CHCHD6: variants seen among roughly 807,000 people sequenced by gnomAD.
The protein encoded by CHCHD6 is coiled-coil-helix-coiled-coil-helix domain containing 6, also known as MICOS complex subunit MIC25.
In CHCHD6, 28 loss-of-function variants were observed where a neutral mutation model predicts 32.3. The observed-to-expected ratio is 0.87, with a 90% CI of 0.64 to 1.19. CHCHD6 has a LOEUF of 1.19. CHCHD6 is among the 50% of genes most tolerant of loss of function. The pLI, the probability that CHCHD6 is intolerant of heterozygous loss-of-function variation, is 0.00. For synonymous variants in CHCHD6, 122 were observed against 117.5 expected (o/e 1.04, Z -0.25); for missense variants, 333 against 307.0 (o/e 1.08, Z -0.63).
intron 6 of CHCHD6, among the ~76,000 whole-genome samples, chr3:126,932,091 C>T (rs940005772): frequency 6.6e-6 from 1 of 152,198 alleles, no homozygotes. Context: ...TCTAAGAGCA[C>T]GGAGGCTCCA....
intron 4 of CHCHD6, among the ~76,000 whole-genome samples, chr3:126,843,126 A>G (rs1310434983): frequency 2.0e-5 from 3 of 152,188 alleles, no homozygotes. Flanking sequence ...AGTTTTCTCT[A>G]TGAATGGATG....
At chr3:126,770,684 T>G (rs1937527689) in intron 4 of CHCHD6, among the ~76,000 whole-genome samples, 1 of 152,226 alleles carries the variant, frequency 6.6e-6, no homozygotes, top group East Asian at 1.9e-4. Context: ...GCCTACTTGA[T>G]CATGGTGGAT....
intron 4 of CHCHD6, chr3:126,766,951 T>G: frequency 9.9e-7 from 1 of 1,010,348 alleles, no homozygotes; most frequent in East Asian, 2.4e-5. Flanking sequence ...GACTCACTTC[T>G]GGGAGTCCAG....
intron 4 of CHCHD6, among the ~76,000 whole-genome samples, chr3:126,779,687 A>G (rs760899509): frequency 6.6e-6 from 1 of 152,182 alleles, no homozygotes; most frequent in Non-Finnish European, 1.5e-5. Context: ...TTGTCCCAGC[A>G]CTATTTGTTG....
intron 5 of CHCHD6, among the ~76,000 whole-genome samples, chr3:126,881,407 C>G (rs916748101): frequency 6.6e-6 from 1 of 152,222 alleles, no homozygotes; most frequent in African/African-American, 2.4e-5. Context: ...GCTGGACATG[C>G]TGAGCGCAGC....
At chr3:126,729,675 G>A (rs1362549453) in intron 2 of CHCHD6, among the ~76,000 whole-genome samples, 7 of 152,142 alleles carry the variant, frequency 4.6e-5, no homozygotes, top group Non-Finnish European at 1.0e-4. Context: ...GAAAGTGCGA[G>A]TAGTCACAGC....
intron 4 of CHCHD6, among the ~76,000 whole-genome samples, chr3:126,828,491 C>T (rs989284886): frequency 2.5e-4 from 38 of 152,242 alleles, no homozygotes; most frequent in African/African-American, 7.2e-4. Context: ...CCGGAACTGA[C>T]GCAGCTGGCA....
intron 5 of CHCHD6, among the ~76,000 whole-genome samples, chr3:126,891,780 A>G (rs1261405845): frequency 6.6e-6 from 1 of 152,152 alleles, no homozygotes; most frequent in Admixed American, 6.5e-5. Flanking sequence ...AGTAAGACAG[A>G]GCTAGATCAA....
intron 1 of CHCHD6, among the ~76,000 whole-genome samples, chr3:126,713,327 C>T (rs2107650647): frequency 6.6e-6 from 1 of 152,300 alleles, no homozygotes; most frequent in East Asian, 1.9e-4. Flanking sequence ...CTTCTTGTGT[C>T]CCGGGGACTG....
intron 4 of CHCHD6, among the ~76,000 whole-genome samples, chr3:126,833,487 C>T (rs1940722997): frequency 6.6e-6 from 1 of 152,218 alleles, no homozygotes. Flanking sequence ...TCACACAGTG[C>T]TTTGCACGCG....
chr3:126,718,676 CT>C (rs1935137443), intron 1 of CHCHD6, among the ~76,000 whole-genome samples: 1 of 152,200 alleles, frequency 6.6e-6, no homozygotes, highest in South Asian at 2.1e-4. Context: ...TCCTCCTCCC[CT>C]GTACTGCTCT....
chr3:126,869,288 C>CT (rs58408227), intron 5 of CHCHD6, among the ~76,000 whole-genome samples: 12,723 of 108,672 alleles, frequency 0.12, 965 homozygotes, highest in Middle Eastern at 0.16. Flanking sequence ...CACCAGTCTC[C>CT]TTTTTTTTTT....
At chr3:126,772,018 T>C (rs1441422472) in intron 4 of CHCHD6, among the ~76,000 whole-genome samples, 2 of 152,222 alleles carry the variant, frequency 1.3e-5, no homozygotes, top group Non-Finnish European at 2.9e-5. Flanking sequence ...TCTTTGTTAA[T>C]TGTCTGCCTC....
At chr3:126,918,663 G>A (rs1318289866) in intron 6 of CHCHD6, among the ~76,000 whole-genome samples, 1 of 152,080 alleles carries the variant, frequency 6.6e-6, no homozygotes, top group Non-Finnish European at 1.5e-5. Context: ...ACTTATTGAA[G>A]GAATTGAAAA....
chr3:126,877,290 T>A (rs1275897876), intron 5 of CHCHD6, among the ~76,000 whole-genome samples: 2 of 152,148 alleles, frequency 1.3e-5, no homozygotes, highest in East Asian at 3.8e-4. Flanking sequence ...GCGTGGTGGC[T>A]CGCACCTGTA....
intron 5 of CHCHD6, among the ~76,000 whole-genome samples, chr3:126,888,971 C>G (rs1459582198): frequency 6.6e-6 from 1 of 152,194 alleles, no homozygotes; most frequent in African/African-American, 2.4e-5. Context: ...CCGGTTGTCT[C>G]TATATGGGTG....
chr3:126,762,034 A>G (rs777698168), intron 4 of CHCHD6, among the ~76,000 whole-genome samples: 74 of 152,122 alleles, frequency 4.9e-4, no homozygotes, highest in Admixed American at 1.4e-3. Flanking sequence ...TGTATTTGCT[A>G]TCTTTTTCTT....
intron 6 of CHCHD6, among the ~76,000 whole-genome samples, chr3:126,950,985 G>C (rs752908441): frequency 6.6e-6 from 1 of 152,154 alleles, no homozygotes; most frequent in Non-Finnish European, 1.5e-5. Context: ...AAGGTCTCAC[G>C]GAAGCTTGTC....
At chr3:126,802,842 C>T (rs1428362324) in intron 4 of CHCHD6, among the ~76,000 whole-genome samples, 3 of 152,146 alleles carry the variant, frequency 2.0e-5, no homozygotes, top group Non-Finnish European at 4.4e-5. Flanking sequence ...CAAAGGGAAG[C>T]CCATCAGACT....
Sources: gnomAD v4.1 joint callset for allele counts (sites outside exome capture counted in the v4.1 genomes callset) on GRCh38, gnomAD v4.1.1 for gene constraint, MANE v1.5 for transcripts, NCBI Gene and HGNC (gene_info 2026-07-23, HGNC 2026-07-21) for gene names.